Variants in NALF1 observed in about 807,000 individuals in gnomAD.
NALF1 encodes the protein NALCN channel auxiliary factor 1.
Under a neutral mutation model 48.4 loss-of-function variants are expected in NALF1, and 3 were observed. That is an observed-to-expected ratio of 0.06 (90% CI 0.03 to 0.16). NALF1 has a LOEUF of 0.16. Among genes scored for constraint, NALF1 ranks in the 10% least tolerant of loss-of-function variants. The pLI is 1.00. For synonymous variants in NALF1, 262 were observed against 245.7 expected (o/e 1.07, Z -0.62); for missense variants, 526 against 571.5 (o/e 0.92, Z 0.81).
intron 1 of NALF1, among the ~76,000 whole-genome samples, chr13:107,517,119 G>C (rs1331535387): frequency 6.6e-6 from 1 of 151,810 alleles, no homozygotes; most frequent in East Asian, 1.9e-4. Flanking sequence ...GTGTATATCT[G>C]GGCTTCAATT....
At chr13:107,222,663 C>T (rs1880018845) in intron 1 of NALF1, among the ~76,000 whole-genome samples, 1 of 152,194 alleles carries the variant, frequency 6.6e-6, no homozygotes, top group African/African-American at 2.4e-5. Flanking sequence ...GTGGCACAGA[C>T]ATTTAAAACT....
intron 1 of NALF1, among the ~76,000 whole-genome samples, chr13:107,541,366 T>A (rs1196478141): frequency 6.6e-6 from 1 of 152,090 alleles, no homozygotes; most frequent in Non-Finnish European, 1.5e-5. Flanking sequence ...AAGTACCCCT[T>A]CTCTTCCTTC....
intron 1 of NALF1, among the ~76,000 whole-genome samples, chr13:107,367,370 A>G (rs560760101): frequency 1.1e-4 from 17 of 152,294 alleles, no homozygotes; most frequent in Non-Finnish European, 1.3e-4. Flanking sequence ...TGGGGCCTCA[A>G]TTAGACTGAC....
At chr13:107,522,610 A>AT (rs35745004) in intron 1 of NALF1, among the ~76,000 whole-genome samples, 2,281 of 144,578 alleles carry the variant, frequency 0.016, 56 homozygotes, top group East Asian at 0.11. Context: ...AAATATCCAG[A>AT]TTTTTTTTTT....
At chr13:107,660,202 G>C (rs984383579) in intron 1 of NALF1, among the ~76,000 whole-genome samples, 1 of 151,876 alleles carries the variant, frequency 6.6e-6, no homozygotes, top group Non-Finnish European at 1.5e-5. Flanking sequence ...CACTTTGGGA[G>C]GTCGAGGTGG....
At chr13:107,262,447 C>A (rs188068167) in intron 1 of NALF1, among the ~76,000 whole-genome samples, 51 of 152,192 alleles carry the variant, frequency 3.4e-4, no homozygotes, top group Admixed American at 2.6e-3. Flanking sequence ...ATGGAAGCTG[C>A]AGCATTTCTT....
intron 1 of NALF1, among the ~76,000 whole-genome samples, chr13:107,237,427 C>T (rs1394734249): frequency 6.6e-6 from 1 of 152,096 alleles, no homozygotes; most frequent in Non-Finnish European, 1.5e-5. Context: ...ATAGCTGTCC[C>T]TTGGCATCCT....
chr13:107,651,495 T>C (rs148418566), intron 1 of NALF1, among the ~76,000 whole-genome samples: 286 of 152,340 alleles, frequency 1.9e-3, no homozygotes, highest in African/African-American at 6.4e-3. Flanking sequence ...TAAGCAAAAC[T>C]ATGTTTGAAA....
intron 1 of NALF1, among the ~76,000 whole-genome samples, chr13:107,495,504 A>G (rs938618660): frequency 6.6e-6 from 1 of 152,218 alleles, no homozygotes; most frequent in Non-Finnish European, 1.5e-5. Context: ...CAAATTCCAT[A>G]CAGACTATAC....
intron 1 of NALF1, among the ~76,000 whole-genome samples, chr13:107,458,614 G>A (rs1210161090): frequency 1.3e-5 from 2 of 152,128 alleles, no homozygotes; most frequent in East Asian, 1.9e-4. Context: ...ACAGGAAGAC[G>A]CACAACGTTT....
intron 1 of NALF1, among the ~76,000 whole-genome samples, chr13:107,845,463 C>G (rs1485574619): frequency 6.6e-6 from 1 of 152,104 alleles, no homozygotes; most frequent in East Asian, 1.9e-4. Flanking sequence ...GCCCAATGCC[C>G]TAACACGATT....
intron 1 of NALF1, among the ~76,000 whole-genome samples, chr13:107,418,712 C>T (rs1884135488): frequency 6.6e-6 from 1 of 152,082 alleles, no homozygotes; most frequent in African/African-American, 2.4e-5. Context: ...TCACCCTCCC[C>T]ACTCTAACAG....
chr13:107,499,868 T>G (rs1875460711), intron 1 of NALF1, among the ~76,000 whole-genome samples: 1 of 152,192 alleles, frequency 6.6e-6, no homozygotes, highest in South Asian at 2.1e-4. Flanking sequence ...TAGTACAATT[T>G]TTATTTGTTA....
At chr13:107,671,289 A>G (rs1489980428) in intron 1 of NALF1, among the ~76,000 whole-genome samples, 3 of 152,162 alleles carry the variant, frequency 2.0e-5, no homozygotes, top group Non-Finnish European at 4.4e-5. Context: ...GATAAAGAAT[A>G]CAGATGATAA....
chr13:107,682,495 T>C (rs1296185061), intron 1 of NALF1, among the ~76,000 whole-genome samples: 1 of 152,130 alleles, frequency 6.6e-6, no homozygotes, highest in African/African-American at 2.4e-5. Context: ...TATCTGTCTG[T>C]GCCCCATCCA....
At chr13:107,218,176 C>G (rs1012388138) in intron 1 of NALF1, among the ~76,000 whole-genome samples, 3 of 152,170 alleles carry the variant, frequency 2.0e-5, no homozygotes, top group Non-Finnish European at 2.9e-5. Context: ...TCACGAATCC[C>G]TCAGCCTATT....
chr13:107,551,663 A>G (rs1877298471), intron 1 of NALF1, among the ~76,000 whole-genome samples: 1 of 152,050 alleles, frequency 6.6e-6, no homozygotes, highest in African/African-American at 2.4e-5. Flanking sequence ...GATTCATATA[A>G]TTTCTGGAGT....
intron 1 of NALF1, among the ~76,000 whole-genome samples, chr13:107,448,800 C>T (rs983759477): frequency 3.3e-5 from 5 of 152,180 alleles, no homozygotes; most frequent in Non-Finnish European, 7.3e-5. Context: ...GTCCCAAGGA[C>T]ACAGAATATT....
At chr13:107,323,525 C>T (rs967215888) in intron 1 of NALF1, among the ~76,000 whole-genome samples, 2 of 151,894 alleles carry the variant, frequency 1.3e-5, no homozygotes, top group East Asian at 1.9e-4. Context: ...TCTCATATAG[C>T]GCTTTTTAAA....
Sources: allele counts gnomAD v4.1 joint callset (sites outside exome capture counted in the v4.1 genomes callset), GRCh38; gene constraint gnomAD v4.1.1; transcripts MANE v1.5; gene names NCBI Gene and HGNC (gene_info 2026-07-23, HGNC 2026-07-21).